Variants in RPL21 observed in about 807,000 individuals in gnomAD.
RPL21 encodes ribosomal protein L21, also known as large ribosomal subunit protein eL21.
Under a neutral mutation model 21.2 loss-of-function variants are expected in RPL21, and 1 was observed. The observed-to-expected ratio is 0.05, with a 90% confidence interval of 0.02 to 0.22. RPL21 has a LOEUF of 0.22. RPL21 is among the 10% of genes least tolerant of loss of function. RPL21 has a pLI of 1.00. For synonymous variants in RPL21, 52 were observed against 62.9 expected (o/e 0.83, Z 0.82); for missense variants, 113 against 199.4 (o/e 0.57, Z 2.61).
At chr13:27,255,419 C>G (rs1323487967) in intron 4 of RPL21, 65 bp downstream of exon 4, 2 of 794,500 alleles carry the variant, frequency 2.5e-6, no homozygotes, top group African/African-American at 3.4e-5. Flanking sequence ...TTTCACTTTG[C>G]CAGTTGGACT....
At chr13:27,256,100 TA>T (rs1358663542) in intron 4 of RPL21, 83 bp from the exon 5 acceptor site, 1 of 1,027,404 alleles carries the variant, frequency 9.7e-7, no homozygotes, top group African/African-American at 1.6e-5. Flanking sequence ...ATGGTTTATT[TA>T]ATAAATGAAA....
intron 4 of RPL21, chr13:27,255,600 C>G: frequency 1.6e-6 from 1 of 613,346 alleles, no homozygotes; most frequent in South Asian, 1.5e-5. Context: ...GAGACGGAGT[C>G]TTGCTCTGTC....
At chr13:27,255,451 A>G (rs753157494) in intron 4 of RPL21, 97 bp downstream of exon 4, 7 of 775,484 alleles carry the variant, frequency 9.0e-6, no homozygotes, top group South Asian at 2.7e-5. Context: ...TGGTCATTCA[A>G]GTGGGGCAAA....
intron 3 of RPL21, 127 bp downstream of exon 3, chr13:27,254,408 T>TTTTTTC (rs1227416686): frequency 4.6e-6 from 3 of 654,316 alleles, no homozygotes; most frequent in Non-Finnish European, 8.1e-6. Context: ...TTTTTTTTTT[T>TTTTTTC]TTTGGAGACG....
chr13:27,254,173 C>T (rs772630953), intron 2 of RPL21, 47 bp from the exon 3 acceptor site: 13 of 1,163,612 alleles, frequency 1.1e-5, no homozygotes, highest in South Asian at 3.7e-5. Context: ...TTCTTTTACT[C>T]TAGATTTTTA....
rs781728158 is a variant in RPL21 at position 27,256,541 on chromosome 13, AAAAT to A, written c.*20_*23del. On this transcript the variant is annotated 3_prime_UTR_variant, in exon 6 of 6. Transcript: ENST00000311549. The stretch of plus-strand genomic sequence containing the variant: ...CATGGCATAATAGGTGTTAAAAAAA[AAAAT>A]AAAGGACCTCTGGGCTACAAAAATG... 6.7e-6 allele frequency: 7 copies of A among 1,039,308 alleles called. No homozygotes were observed. In the East Asian group the frequency reaches 7.1e-5, roughly 11 times the overall value. 64.4% of individuals were successfully genotyped at this position (1,039,308 alleles called of 1,614,324 possible).
chr13:27,255,853 T>A (rs1881877877), intron 4 of RPL21: 1 of 328,128 alleles, frequency 3.0e-6, no homozygotes, highest in African/African-American at 2.2e-5. Context: ...ATTACAGGCA[T>A]GAGCCACCGC....
intron 5 of RPL21, 39 bp downstream of exon 5, chr13:27,256,373 C>G (rs1881900836): frequency 6.3e-7 from 1 of 1,597,244 alleles, no homozygotes; most frequent in East Asian, 2.2e-5. Context: ...TCTGAGAGCA[C>G]TTTAAGGTTG....
intron 4 of RPL21, 75 bp downstream of exon 4, chr13:27,255,429 T>C: frequency 1.3e-6 from 1 of 785,184 alleles, no homozygotes; most frequent in South Asian, 1.3e-5. Context: ...CCAGTTGGAC[T>C]TATGTCTTTA....
chr13:27,255,916 A>C (rs1881881844), intron 4 of RPL21: 1 of 393,108 alleles, frequency 2.5e-6, no homozygotes. Context: ...TAAACTTTTA[A>C]ATTTTATTAG....
At position 27,256,349 on chromosome 13, in the gene RPL21, T is replaced by C; in HGVS notation, c.393+15T>C. 2 of 1,608,290 alleles carry C rather than the reference T, an allele frequency of 1.2e-6. No homozygotes were observed. Among genetic ancestry groups the C allele is most frequent in the South Asian group, 1.1e-5 (1 of 90,864 alleles). On this transcript the variant is annotated intron_variant, in intron 5 of 5. Transcript: ENST00000311549. Reference sequence around the variant, plus strand: ...TAAAGCGCCAGGTAAGAATTTGGTGTATATTTCATTGGTTCTGAGAGCACT... The same window carrying C: ...TAAAGCGCCAGGTAAGAATTTGGTGCATATTTCATTGGTTCTGAGAGCACT...
At chr13:27,255,801 T>C in intron 4 of RPL21, 1 of 332,460 alleles carries the variant, frequency 3.0e-6, no homozygotes, top group East Asian at 8.2e-5. Context: ...CTCAATCTCC[T>C]GACCTCGTGA....
At chr13:27,254,494 A>G (rs966366506) in intron 3 of RPL21, 1 of 522,920 alleles carries the variant, frequency 1.9e-6, no homozygotes, top group Non-Finnish European at 3.4e-6. Context: ...TCCCGGATTC[A>G]AGCAGTTCTC....
intron 2 of RPL21, 77 bp from the exon 3 acceptor site, chr13:27,254,143 A>G (rs73499371): frequency 0.073 from 66,462 of 906,432 alleles, 3,045 homozygotes; most frequent in African/African-American, 0.18. Context: ...TATATGTGTT[A>G]AAAGCTAGTA....
At position 27,256,551 on chromosome 13, in the gene RPL21, A is replaced by G. The variant is rs569792332; in HGVS notation, c.*26A>G. ...TAGGTGTTAAAAAAAAAAATAAAGGACCTCTGGGCTACAAAAATGTTTCTC... is the reference window on the plus strand; with the variant it reads ...TAGGTGTTAAAAAAAAAAATAAAGGGCCTCTGGGCTACAAAAATGTTTCTC... On this transcript the variant is annotated 3_prime_UTR_variant, in exon 6 of 6. Coordinates refer to ENST00000311549, the MANE Select transcript of RPL21 (RefSeq NM_000982.4). 3.2e-4 allele frequency: 303 copies of G among 961,094 alleles called. No homozygotes were observed. In the African/African-American group the frequency reaches 4.4e-3, roughly 14 times the overall value. 59.5% of individuals were successfully genotyped at this position (961,094 alleles called of 1,614,324 possible).
intron 4 of RPL21, chr13:27,255,596 GA>G: frequency 1.6e-6 from 1 of 638,312 alleles, no homozygotes; most frequent in East Asian, 3.3e-5. Context: ...TTTCGAGACG[GA>G]GTCTTGCTCT....
intron 4 of RPL21, chr13:27,255,839 T>G: frequency 3.0e-6 from 1 of 329,474 alleles, no homozygotes; most frequent in South Asian, 2.6e-5. Context: ...CCCAAAGTGC[T>G]GGGATTACAG....
chr13:27,253,285 G>A (rs1881734667), intron 1 of RPL21, among the ~76,000 whole-genome samples: 1 of 152,216 alleles, frequency 6.6e-6, no homozygotes, highest in Admixed American at 6.5e-5. Context: ...GAAGTGGCTT[G>A]AGATTTCTGA....
intron 2 of RPL21, 89 bp from the exon 3 acceptor site, chr13:27,254,128 AATG>A: frequency 1.2e-6 from 1 of 844,188 alleles, no homozygotes; most frequent in Non-Finnish European, 2.1e-6. Flanking sequence ...AACCATCAAA[AATG>A]ATATATGTGT....
Sources: allele counts gnomAD v4.1 joint callset (sites outside exome capture counted in the v4.1 genomes callset), GRCh38; gene constraint gnomAD v4.1.1; transcripts MANE v1.5; gene names NCBI Gene and HGNC (gene_info 2026-07-23, HGNC 2026-07-21).